TRIO: variants seen among roughly 807,000 people sequenced by gnomAD.
TRIO encodes triple functional domain protein.
In TRIO, 58 loss-of-function variants were observed where a neutral mutation model predicts 351.9. That is an observed-to-expected ratio of 0.16 (90% CI 0.13 to 0.21). TRIO has a LOEUF of 0.21. Ranked by LOEUF, TRIO falls within the 10% of genes least tolerant of loss-of-function variation. The probability of loss-of-function intolerance (pLI) is 1.00; values close to 1 mark genes in which losing one functional copy is unlikely to be tolerated. For synonymous variants in TRIO, 1,758 were observed against 1,595.7 expected (o/e 1.10, Z -2.42); for missense variants, 3,201 against 4,027.8 (o/e 0.79, Z 5.56).
At chr5:14,174,563 G>A (rs1340200888) in intron 1 of TRIO, among the ~76,000 whole-genome samples, 4 of 152,316 alleles carry the variant, frequency 2.6e-5, no homozygotes, top group African/African-American at 9.6e-5. Context: ...AGGCCATCTG[G>A]TCAGCAGTCG....
chr5:14,373,898 G>A (rs1745334119), intron 18 of TRIO, among the ~76,000 whole-genome samples: 1 of 152,170 alleles, frequency 6.6e-6, no homozygotes, highest in Non-Finnish European at 1.5e-5. Context: ...TGTGATCCAG[G>A]GTCAGGCCAG....
chr5:14,453,637 T>A (rs968008465), intron 34 of TRIO, among the ~76,000 whole-genome samples: 1 of 152,206 alleles, frequency 6.6e-6, no homozygotes, highest in African/African-American at 2.4e-5. Context: ...TGCCAGAATG[T>A]TTGCTGTGTA....
chr5:14,303,845 C>T (rs887540497), intron 7 of TRIO, among the ~76,000 whole-genome samples: 1 of 152,188 alleles, frequency 6.6e-6, no homozygotes, highest in Non-Finnish European at 1.5e-5. Flanking sequence ...TCCTAAGATT[C>T]ACAGAGAAGT....
At chr5:14,361,881 G>A (rs148047337) in intron 13 of TRIO, among the ~76,000 whole-genome samples, 4,843 of 152,264 alleles carry the variant, frequency 0.032, 305 homozygotes, top group African/African-American at 0.11. Context: ...ACTTTGGGAG[G>A]CCAAGGTGGG....
At chr5:14,254,049 C>A (rs1794890552) in intron 1 of TRIO, among the ~76,000 whole-genome samples, 1 of 149,892 alleles carries the variant, frequency 6.7e-6, no homozygotes, top group South Asian at 2.1e-4. Flanking sequence ...TTCAAAAATT[C>A]TCTCAGATTT....
intron 8 of TRIO, among the ~76,000 whole-genome samples, chr5:14,310,938 G>A (rs930201769): frequency 2.6e-5 from 4 of 152,126 alleles, no homozygotes; most frequent in African/African-American, 4.8e-5. Context: ...CGCCCACCTC[G>A]GCCTCCCAAA....
intron 8 of TRIO, among the ~76,000 whole-genome samples, chr5:14,314,125 T>A (rs748156250): frequency 6.6e-6 from 1 of 152,218 alleles, no homozygotes; most frequent in Non-Finnish European, 1.5e-5. Flanking sequence ...ATGTATGACT[T>A]GGAGCAGTAG....
At chr5:14,403,417 T>TGTG (rs374455478) in intron 31 of TRIO, among the ~76,000 whole-genome samples, 6 of 34,004 alleles carry the variant, frequency 1.8e-4, no homozygotes, top group African/African-American at 1.3e-3. Context: ...GGGTGTAGGT[T>TGTG]GTGGTGAGGG....
chr5:14,380,332 C>T (rs1056923956), intron 20 of TRIO, among the ~76,000 whole-genome samples: 3 of 108,278 alleles, frequency 2.8e-5, no homozygotes, highest in Admixed American at 8.8e-5. Flanking sequence ...GCCCCGCCTC[C>T]TCCTTCGCTC....
intron 2 of TRIO, among the ~76,000 whole-genome samples, chr5:14,279,560 A>T (rs1735813931): frequency 6.6e-6 from 1 of 152,238 alleles, no homozygotes; most frequent in Admixed American, 6.5e-5. Flanking sequence ...TGGAAGTAAT[A>T]AAATAAATGT....
chr5:14,455,057 G>A (rs1051988627), intron 34 of TRIO, among the ~76,000 whole-genome samples: 2 of 152,176 alleles, frequency 1.3e-5, no homozygotes, highest in Non-Finnish European at 2.9e-5. Flanking sequence ...CAGGAGTGAA[G>A]CTGCAGACCT....
chr5:14,341,186 C>T (rs528414122), intron 11 of TRIO, among the ~76,000 whole-genome samples: 38 of 152,218 alleles, frequency 2.5e-4, no homozygotes, highest in Non-Finnish European at 4.9e-4. Context: ...CATTTATTCA[C>T]ATCAGTTCTG....
At chr5:14,375,074 T>C (rs1198720580) in intron 19 of TRIO, among the ~76,000 whole-genome samples, 3 of 152,254 alleles carry the variant, frequency 2.0e-5, no homozygotes, top group Non-Finnish European at 4.4e-5. Context: ...GCAAAAACTT[T>C]GTACATTACA....
intron 29 of TRIO, among the ~76,000 whole-genome samples, chr5:14,398,340 G>T (rs1747786092): frequency 6.6e-6 from 1 of 152,220 alleles, no homozygotes; most frequent in Non-Finnish European, 1.5e-5. Context: ...TCAGAGGAGG[G>T]AGGGTGCACC....
chr5:14,457,493 T>C (rs1356257256), intron 34 of TRIO, among the ~76,000 whole-genome samples: 1 of 150,318 alleles, frequency 6.7e-6, no homozygotes, highest in Non-Finnish European at 1.5e-5. Context: ...CTTCCCAAAG[T>C]GCAAAGAACC....
chr5:14,446,262 G>A (rs368964656), intron 34 of TRIO, among the ~76,000 whole-genome samples: 5 of 152,080 alleles, frequency 3.3e-5, no homozygotes, highest in East Asian at 1.9e-4. Flanking sequence ...TTAGAAAGCC[G>A]CCTTCTCCCC....
intron 1 of TRIO, among the ~76,000 whole-genome samples, chr5:14,226,512 A>G (rs1793041410): frequency 6.6e-6 from 1 of 152,162 alleles, no homozygotes; most frequent in African/African-American, 2.4e-5. Context: ...TAAACCAGGA[A>G]TCTGAACATT....
chr5:14,333,473 C>G (rs1011954008), intron 10 of TRIO, among the ~76,000 whole-genome samples: 4 of 152,042 alleles, frequency 2.6e-5, no homozygotes, highest in Admixed American at 6.6e-5. Context: ...ATGTCCTGGC[C>G]CATCATTCTT....
chr5:14,220,121 T>G (rs1003022879), intron 1 of TRIO, among the ~76,000 whole-genome samples: 2 of 152,082 alleles, frequency 1.3e-5, no homozygotes, highest in Non-Finnish European at 2.9e-5. Context: ...TCCATGACAT[T>G]TTTCCAACAG....
Sources: gnomAD v4.1 joint callset for allele counts (sites outside exome capture counted in the v4.1 genomes callset) on GRCh38, gnomAD v4.1.1 for gene constraint, MANE v1.5 for transcripts, NCBI Gene and HGNC (gene_info 2026-07-23, HGNC 2026-07-21) for gene names.